Variants in QNG1 observed in about 807,000 individuals in gnomAD.
The protein encoded by QNG1 is queuosine 5'-phosphate N-glycosylase/hydrolase.
At chr9:83,941,971 T>A in the QNG1 span, among the ~76,000 whole-genome samples, 2 of 150,554 alleles carry the variant, frequency 1.3e-5, no homozygotes, top group South Asian at 4.2e-4. Flanking sequence ...AAGGCCATGA[T>A]TGGTGTGATG....
chr9:83,944,684 G>T, the QNG1 span: 2 of 818,388 alleles, frequency 2.4e-6, no homozygotes, highest in Non-Finnish European at 3.8e-6. Context: ...CATATACTAT[G>T]AACAATAAAT....
the QNG1 span, chr9:83,939,228 C>T: frequency 3.3e-6 from 1 of 302,494 alleles, no homozygotes; most frequent in Non-Finnish European, 6.3e-6. Flanking sequence ...CACGTGCCAC[C>T]ACGCCCAGCT....
At chr9:83,939,571 A>G in the QNG1 span, 2 of 1,614,176 alleles carry the variant, frequency 1.2e-6, no homozygotes, top group Non-Finnish European at 1.7e-6. Context: ...CCCTATGGTC[A>G]TGGGCATAGT....
At chr9:83,947,245 TGGA>T in the QNG1 span, among the ~76,000 whole-genome samples, 5 of 152,142 alleles carry the variant, frequency 3.3e-5, no homozygotes, top group African/African-American at 9.7e-5. Context: ...CTGACCACCT[TGGA>T]GGAGAATATT....
At chr9:83,946,878 C>A in the QNG1 span, among the ~76,000 whole-genome samples, 2 of 152,208 alleles carry the variant, frequency 1.3e-5, no homozygotes, top group East Asian at 3.9e-4. Flanking sequence ...GGATTACAGG[C>A]ATGAGCCACC....
the QNG1 span, among the ~76,000 whole-genome samples, chr9:83,942,657 C>T: frequency 3.3e-5 from 5 of 152,222 alleles, no homozygotes; most frequent in African/African-American, 1.2e-4. Flanking sequence ...ATTACATTTA[C>T]AGTTTGTTTA....
chr9:83,948,539 C>T, the QNG1 span, among the ~76,000 whole-genome samples: 1 of 151,954 alleles, frequency 6.6e-6, no homozygotes, highest in Non-Finnish European at 1.5e-5. Context: ...GCCTGGCCGC[C>T]CCGTCTGGGA....
At chr9:83,949,793 G>C in the QNG1 span, among the ~76,000 whole-genome samples, 1 of 151,612 alleles carries the variant, frequency 6.6e-6, no homozygotes, top group African/African-American at 2.4e-5. Flanking sequence ...AAGATTCATA[G>C]AGCAAAATGG....
chr9:83,951,624 TTA>T, the QNG1 span, among the ~76,000 whole-genome samples: 1 of 152,046 alleles, frequency 6.6e-6, no homozygotes, highest in East Asian at 1.9e-4. Flanking sequence ...ATCAAAAAGC[TTA>T]TGTTTTTTAT....
chr9:83,943,357 A>G, the QNG1 span, among the ~76,000 whole-genome samples: 1 of 149,330 alleles, frequency 6.7e-6, no homozygotes, highest in South Asian at 2.1e-4. Flanking sequence ...AAAAAAAAAA[A>G]AGAAAGAACA....
the QNG1 span, chr9:83,939,678 C>A: frequency 1.2e-6 from 2 of 1,614,172 alleles, no homozygotes; most frequent in South Asian, 2.2e-5. Flanking sequence ...CGGATCAGCT[C>A]AACACACCAA....
the QNG1 span, chr9:83,956,030 G>A: frequency 8.3e-3 from 6,531 of 783,710 alleles, 55 homozygotes; most frequent in Middle Eastern, 0.011. Flanking sequence ...TTAAGCATAA[G>A]GACTTGCAAC....
At chr9:83,948,169 C>A in the QNG1 span, among the ~76,000 whole-genome samples, 1 of 151,214 alleles carries the variant, frequency 6.6e-6, no homozygotes, top group African/African-American at 2.4e-5. Flanking sequence ...GCCGCGACCC[C>A]GTCTGGGAAC....
At chr9:83,955,086 C>A in the QNG1 span, among the ~76,000 whole-genome samples, 5 of 151,534 alleles carry the variant, frequency 3.3e-5, no homozygotes, top group Non-Finnish European at 7.4e-5. Flanking sequence ...GTAATCCAAG[C>A]TACTCGGGAG....
chr9:83,948,810 C>T, the QNG1 span, among the ~76,000 whole-genome samples: 8 of 152,310 alleles, frequency 5.3e-5, no homozygotes, highest in East Asian at 1.5e-3. Flanking sequence ...CCCGTGCTCT[C>T]TGAAACATGT....
chr9:83,954,647 C>T, the QNG1 span, among the ~76,000 whole-genome samples: 3 of 151,214 alleles, frequency 2.0e-5, no homozygotes, highest in Non-Finnish European at 2.9e-5. Context: ...TTTGGGAGAC[C>T]GAGGTGGGTG....
the QNG1 span, among the ~76,000 whole-genome samples, chr9:83,943,915 G>A: frequency 6.6e-6 from 1 of 152,170 alleles, no homozygotes; most frequent in Non-Finnish European, 1.5e-5. Flanking sequence ...CAGCTACTCG[G>A]GAGGCTGAGG....
chr9:83,952,621 T>C, the QNG1 span, among the ~76,000 whole-genome samples: 1 of 151,830 alleles, frequency 6.6e-6, no homozygotes, highest in African/African-American at 2.4e-5. Context: ...GGTGAAACCC[T>C]GTCTCTACTA....
At chr9:83,942,685 C>T in the QNG1 span, among the ~76,000 whole-genome samples, 1 of 152,160 alleles carries the variant, frequency 6.6e-6, no homozygotes, top group Non-Finnish European at 1.5e-5. Flanking sequence ...TCTAGTTTTG[C>T]AGTAACATAC....
Sources: allele counts gnomAD v4.1 joint callset (sites outside exome capture counted in the v4.1 genomes callset), GRCh38; gene constraint gnomAD v4.1.1; transcripts MANE v1.5; gene names NCBI Gene and HGNC (gene_info 2026-07-23, HGNC 2026-07-21).